Variants in COL4A3 observed in about 807,000 individuals in gnomAD.
The protein encoded by COL4A3 is collagen alpha-3(IV) chain.
In COL4A3, 135 loss-of-function variants were observed where a neutral mutation model predicts 217.4. The ratio of observed to expected loss-of-function variants is 0.62; its 90% CI spans 0.54 to 0.72. The LOEUF (loss-of-function observed/expected upper bound fraction) is 0.72, where lower values mean the gene tolerates loss of function less well. Among genes scored for constraint, COL4A3 ranks in the 30% least tolerant of loss-of-function variants. The probability of loss-of-function intolerance (pLI) is 0.00; values close to 1 mark genes in which losing one functional copy is unlikely to be tolerated. For missense variants in COL4A3, 1,868 were observed against 2,119.9 expected, an observed-to-expected ratio of 0.88 and a Z score of 2.33; for synonymous variants, 690 against 736.3, an observed-to-expected ratio of 0.94 and a Z score of 1.02.
In COL4A3 at chr2:227,276,386, C is replaced by A. The variant is rs1574764067; in HGVS notation, c.1929C>A (p.Gly643=). 3 of 1,612,970 alleles carry A rather than the reference C, an allele frequency of 1.9e-6. No individual in the cohort carries two copies. The East Asian group carries it at 6.7e-5, about 36-fold the overall frequency. The part of the protein sequence containing the change: ...PGAPGPPGEA[G]PRGELSVSTP... ...CTTATGACCACAAATTTCCTTAAGG[C>A]CCTAGGGGAGAGCTCAGTGTTTCAA... The change falls in exon 27 of 52, where the codon GGC becomes GGA. Residue 643 remains glycine (G), a splice_region_variant and synonymous_variant. Coordinates refer to ENST00000396578, the MANE Select transcript of COL4A3 (RefSeq NM_000091.5).
chr2:227,175,597 G>GT (rs1443511269), intron 1 of COL4A3, among the ~76,000 whole-genome samples: 1 of 152,192 alleles, frequency 6.6e-6, no homozygotes, highest in Non-Finnish European at 1.5e-5. Context: ...AATATGCTGA[G>GT]TATTTTGCTA....
intron 1 of COL4A3, among the ~76,000 whole-genome samples, chr2:227,201,898 T>C (rs1051228169): frequency 6.6e-6 from 1 of 152,230 alleles, no homozygotes; most frequent in African/African-American, 2.4e-5. Context: ...TGATGTATTT[T>C]TCAAACACCA....
intron 7 of COL4A3, 110 bp from the exon 8 acceptor site, chr2:227,247,446 GGA>G: frequency 1.1e-6 from 1 of 946,164 alleles, no homozygotes; most frequent in Non-Finnish European, 1.8e-6. Context: ...TAAGGCCGTG[GGA>G]GGTGTACAGT....
At chr2:227,187,465 G>A (rs914360374) in intron 1 of COL4A3, among the ~76,000 whole-genome samples, 49 of 152,168 alleles carry the variant, frequency 3.2e-4, no homozygotes, top group African/African-American at 1.2e-3. Context: ...ACAAGCTGGT[G>A]TGCACATATA....
chr2:227,189,594 A>T (rs2066153616), intron 1 of COL4A3, among the ~76,000 whole-genome samples: 1 of 152,186 alleles, frequency 6.6e-6, no homozygotes, highest in Admixed American at 6.5e-5. Flanking sequence ...TGTCCATTTC[A>T]CTATATTAGT....
chr2:227,290,921 G>C (rs201448593), intron 37 of COL4A3, 35 bp downstream of exon 37: 5 of 1,591,506 alleles, frequency 3.1e-6, no homozygotes, highest in African/African-American at 1.3e-5. Context: ...CATTTTAGTG[G>C]TGGAGTGAGT....
At chr2:227,172,009 G>A (rs1312872620) in intron 1 of COL4A3, among the ~76,000 whole-genome samples, 3 of 152,148 alleles carry the variant, frequency 2.0e-5, no homozygotes, top group Non-Finnish European at 4.4e-5. Context: ...GGGAGCATGC[G>A]CAGTGTGTTC....
intron 1 of COL4A3, among the ~76,000 whole-genome samples, chr2:227,232,210 T>C (rs987116375): frequency 2.0e-5 from 3 of 152,236 alleles, no homozygotes; most frequent in African/African-American, 7.2e-5. Context: ...CATTCGTCTG[T>C]TGATGGACAC....
chr2:227,284,249 AC>A lies in COL4A3; in HGVS notation c.2789del (p.Pro930GlnfsTer21). On this transcript the variant is annotated frameshift_variant, in exon 34 of 52. Coordinates refer to ENST00000396578, the MANE Select transcript of COL4A3 (RefSeq NM_000091.5). LOFTEE classifies it high-confidence loss of function. Reference protein sequence around the residue: ...GIPGVKGQRGTPGAKGEQGDK... With the variant: ...GIPGVKGQRGXPGAKGEQGDK... ...TCCAGGAGTAAAGGGCCAGAGAGGA[AC>A]CCCAGGAGCCAAGGGGGAACAAGGA... The A allele has an allele frequency of 6.2e-7, 1 of 1,613,918 alleles. No individual in the cohort carries two copies. The highest frequency in any genetic ancestry group is 8.5e-7 in the Non-Finnish European group (1 of 1,179,940).
intron 9 of COL4A3, among the ~76,000 whole-genome samples, chr2:227,249,230 A>ATATATATATATATT: frequency 1.5e-3 from 22 of 14,696 alleles, no homozygotes; most frequent in South Asian, 4.3e-3. Context: ...ATATATATAT[A>ATATATATATATATT]TTTTTTTTTT....
intron 1 of COL4A3, among the ~76,000 whole-genome samples, chr2:227,216,849 C>A: frequency 6.6e-6 from 1 of 152,168 alleles, no homozygotes; most frequent in East Asian, 1.9e-4. Context: ...GCCTGTCATA[C>A]AATCACAGAT....
chr2:227,226,475 G>GTTTTTT (rs35834157), intron 1 of COL4A3, among the ~76,000 whole-genome samples: 1,647 of 144,088 alleles, frequency 0.011, 30 homozygotes, highest in African/African-American at 0.039. Flanking sequence ...TGTTAGGTTT[G>GTTTTTT]TTTTTTTTTT....
In COL4A3 at chr2:227,304,994, G is replaced by A; in HGVS notation, c.4163G>A (p.Gly1388Glu). 2 of 1,613,766 alleles carry A rather than the reference G, an allele frequency of 1.2e-6. No individual in the cohort carries two copies. The highest frequency in any genetic ancestry group is 1.7e-6 in the Non-Finnish European group (2 of 1,179,856). The change falls in exon 47 of 52, where the codon GGG (glycine) becomes GAG (glutamate). Residue 1388 changes from glycine (G) to glutamate (E), a missense_variant. Gly to Glu is a moderately conservative substitution (Grantham distance 98). Transcript: ENST00000396578. ...GTTGGTTTTTGCCTAGGACCCTGTG[G>A]GCCAAGAGGTAAGCCAGGCAAGGAT... The part of the protein sequence containing the change: ...PGPPGNLGPC[G>E]PRGKPGKDGK...
intron 31 of COL4A3, 54 bp downstream of exon 31, chr2:227,281,060 C>CAGGGCAGGAGACATGAGACTCA: frequency 9.3e-7 from 1 of 1,077,464 alleles, no homozygotes; most frequent in African/African-American, 1.6e-5. Context: ...CATGAGACTC[C>CAGGGCAGGAGACATGAGACTCA]TGCTCTGTGC....
At chr2:227,218,936 T>A (rs6757320) in intron 1 of COL4A3, among the ~76,000 whole-genome samples, 68,179 of 151,820 alleles carry the variant, frequency 0.45, 16,618 homozygotes, top group Non-Finnish European at 0.56. Context: ...TTATGTGGAA[T>A]TTGTCATCTT....
At chr2:227,251,027 G>T (rs138467133) in intron 9 of COL4A3, 113 bp from the exon 10 acceptor site, 1 of 823,498 alleles carries the variant, frequency 1.2e-6, no homozygotes, top group South Asian at 1.4e-5. Flanking sequence ...TGAAAGGGGA[G>T]GTGTTATGCT....
chr2:227,235,843 G>A (rs937157585), intron 1 of COL4A3, among the ~76,000 whole-genome samples: 4 of 140,598 alleles, frequency 2.8e-5, no homozygotes, highest in Admixed American at 7.7e-5. Context: ...GCGCAATCTC[G>A]GCTCACTGCA....
chr2:227,312,062 C>A lies in COL4A3; in HGVS notation c.*192C>A. On this transcript the variant is annotated 3_prime_UTR_variant, in exon 52 of 52. Coordinates refer to ENST00000396578, the MANE Select transcript of COL4A3 (RefSeq NM_000091.5). ...CAGTTCTGTGATCTGGGTCTCTAAT[C>A]TGTGCTGTTTCAAAGTTCTCTGTGG... 2.0e-6 allele frequency: 2 copies of A among 1,021,490 alleles called. No individual in the cohort carries two copies. The highest frequency in any genetic ancestry group is 2.8e-6 in the Non-Finnish European group (2 of 707,738). 63.3% of individuals were successfully genotyped at this position (1,021,490 alleles called of 1,614,324 possible). A position where few individuals can be genotyped will look rare whatever the true frequency, so the allele number is the denominator to read the frequency against.
chr2:227,172,380 G>T (rs1156733943), intron 1 of COL4A3, among the ~76,000 whole-genome samples: 1 of 152,078 alleles, frequency 6.6e-6, no homozygotes, highest in Non-Finnish European at 1.5e-5. Context: ...CTGGGTGCTG[G>T]TAAGGGCCCT....
Sources: allele counts gnomAD v4.1 joint callset (sites outside exome capture counted in the v4.1 genomes callset), GRCh38; gene constraint gnomAD v4.1.1; transcripts MANE v1.5; gene names NCBI Gene and HGNC (gene_info 2026-07-23, HGNC 2026-07-21).